Variants in SLIT1 observed in about 807,000 individuals in gnomAD.
SLIT1 encodes slit guidance ligand 1, also known as slit homolog 1 protein.
Under a neutral mutation model 186.1 loss-of-function variants are expected in SLIT1, and 66 were observed. The ratio of observed to expected loss-of-function variants is 0.35; its 90% CI spans 0.29 to 0.44. The LOEUF is 0.44. Ranked by LOEUF, SLIT1 falls within the 20% of genes least tolerant of loss-of-function variation. The pLI is 1.00. For missense variants in SLIT1, 1,638 were observed against 2,037.4 expected, an observed-to-expected ratio of 0.80 and a Z score of 3.77; for synonymous variants, 761 against 833.8, an observed-to-expected ratio of 0.91 and a Z score of 1.50.
In SLIT1 at chr10:97,004,836, GGCACTT is replaced by G; in HGVS notation, c.3580-19_3580-14del. 6.2e-7 allele frequency: 1 copy of G among 1,614,056 alleles called. No homozygotes were observed. Among genetic ancestry groups the G allele is most frequent in the Non-Finnish European group, 8.5e-7 (1 of 1,179,962 alleles). Reference sequence around the variant, plus strand: ...CTGCCGTGGAGACCTGATGGGCAGTGGCACTTTCTCTCCCACCCCACCCCATGCAGC... The same window carrying G: ...CTGCCGTGGAGACCTGATGGGCAGTGTCTCTCCCACCCCACCCCATGCAGC... On this transcript the variant is annotated splice_polypyrimidine_tract_variant and intron_variant, in intron 32 of 36. Coordinates refer to ENST00000266058, the MANE Select transcript of SLIT1 (RefSeq NM_003061.3). The surrounding 1 kb of genome is among the most constrained non-coding windows in gnomAD (Gnocchi z 5.1).
chr10:97,156,174 G>C (rs1008057853), intron 4 of SLIT1, among the ~76,000 whole-genome samples: 1 of 152,224 alleles, frequency 6.6e-6, no homozygotes, highest in Non-Finnish European at 1.5e-5. Context: ...CAGCAAAAGA[G>C]ATCATCACTA....
At chr10:97,125,553 A>AAT in intron 4 of SLIT1, among the ~76,000 whole-genome samples, 1 of 146,472 alleles carries the variant, frequency 6.8e-6, no homozygotes, top group Non-Finnish European at 1.5e-5. Context: ...AAAAAAAAAA[A>AAT]GTAGGCCGGG....
chr10:97,020,146 A>T (rs1209928891), intron 26 of SLIT1, among the ~76,000 whole-genome samples: 4 of 151,374 alleles, frequency 2.6e-5, no homozygotes, highest in Non-Finnish European at 4.4e-5. Flanking sequence ...AATTTTTAAA[A>T]TTTTTTTGTA....
chr10:97,071,672 G>C (rs1275743694), intron 4 of SLIT1, among the ~76,000 whole-genome samples: 1 of 152,162 alleles, frequency 6.6e-6, no homozygotes, highest in Admixed American at 6.5e-5. Flanking sequence ...GCTGAGCGGG[G>C]CTCTGAGCTT....
Position 97,002,237 on chromosome 10 carries a change from A to G in SLIT1, c.4287T>C (p.His1429=), listed in dbSNP as rs1407520540. 3 of 1,594,194 alleles carry G rather than the reference A, an allele frequency of 1.9e-6. No homozygotes were observed. The African/African-American group carries it at 4.0e-5, about 21-fold the overall frequency. The change falls in exon 36 of 37, where the codon CAT becomes CAC. Residue 1429 remains histidine, a synonymous_variant. Transcript: ENST00000266058. ...TGGTGCCTGAGGCCTGGCAGTGGCC[A>G]TGCAGGCACTGCAGGCCTCTGCAGG... ...AEPCRGLQCL[H]GHCQASGTKG...
At position 97,022,805 on chromosome 10, in the gene SLIT1, C is replaced by T. The variant is rs149995606; in HGVS notation, c.2583-1392G>A. 2.1e-3 allele frequency among the ~76,000 whole-genome samples: 327 copies of T among 152,356 alleles called. 3 individuals carry two copies. The highest frequency in any genetic ancestry group is 7.5e-3 in the African/African-American group (312 of 41,572). ...AGGGTCACCATGCTCAGGCGTGTAG[C>T]CTTCCAGGCCTTTCCCACACGTACA... is the stretch of plus-strand genomic sequence containing the variant. On this transcript the variant is annotated intron_variant, in intron 25 of 36. Coordinates refer to ENST00000266058, the MANE Select transcript of SLIT1 (RefSeq NM_003061.3). This position sits in a 1 kb window ranked among gnomAD's most constrained non-coding sequence, Gnocchi z 4.2.
Position 97,006,539 on chromosome 10 carries a change from T to G in SLIT1, c.3523A>C (p.Thr1175Pro). The change falls in exon 32 of 37, where the codon ACT becomes CCT. Residue 1175 changes from threonine (T) to proline (P), a missense_variant. By Grantham distance (38) the Thr-to-Pro change is conservative. Coordinates refer to ENST00000266058, the MANE Select transcript of SLIT1 (RefSeq NM_003061.3). The surrounding 1 kb of genome is among the most constrained non-coding windows in gnomAD (Gnocchi z 4.0). ...TGCAGGTCAGTGAACTGCAGGTAAG[T>G]GTCCCGATCCACAAAGTTGACACTG... ...LLSVNFVDRDTYLQFTDLQNW... is the reference protein window; with the variant it reads ...LLSVNFVDRDPYLQFTDLQNW... 1 of 1,614,204 alleles carries G rather than the reference T, an allele frequency of 6.2e-7. No homozygotes were observed. The highest frequency in any genetic ancestry group is 8.5e-7 in the Non-Finnish European group (1 of 1,180,028).
At chr10:97,120,717 G>A (rs7081718) in intron 4 of SLIT1, among the ~76,000 whole-genome samples, 1 of 151,988 alleles carries the variant, frequency 6.6e-6, no homozygotes, top group Non-Finnish European at 1.5e-5. Context: ...GAAGAGTTCA[G>A]CACAGTGCTT....
intron 25 of SLIT1, 141 bp downstream of exon 25, chr10:97,030,616 G>C: frequency 1.5e-6 from 1 of 682,530 alleles, no homozygotes; most frequent in Non-Finnish European, 2.7e-6. Flanking sequence ...AAGAGTCCCA[G>C]AAGGTGCACG....
At chr10:97,147,123 C>T (rs1001348332) in intron 4 of SLIT1, among the ~76,000 whole-genome samples, 10 of 152,114 alleles carry the variant, frequency 6.6e-5, no homozygotes, top group Non-Finnish European at 1.2e-4. Context: ...TTGATATGTG[C>T]CGCAACGTGG....
At chr10:97,106,345 G>C (rs2817693) in intron 4 of SLIT1, among the ~76,000 whole-genome samples, 83,340 of 152,060 alleles carry the variant, frequency 0.55, 24,589 homozygotes, top group East Asian at 0.77. Context: ...AATCAGAAAT[G>C]AGGCCTATGT....
chr10:97,016,278 C>T (rs1223250926), intron 28 of SLIT1, among the ~76,000 whole-genome samples: 1 of 151,422 alleles, frequency 6.6e-6, no homozygotes, highest in East Asian at 1.9e-4. Flanking sequence ...CACTGCACTC[C>T]AGCCTGGGTG....
rs369118472 is a variant in SLIT1 at position 97,059,447 on chromosome 10, C to T, written c.1085+13G>A. The T allele has an allele frequency of 6.2e-6, 10 of 1,611,596 alleles. No individual in the cohort carries two copies. The highest frequency in any genetic ancestry group is 2.7e-5 in the African/African-American group (2 of 74,876). On this transcript the variant is annotated intron_variant, in intron 11 of 36. Transcript: ENST00000266058. Reference sequence around the variant, plus strand: ...CCCTGGGCCACTGAGGAAGCCTTGGCACTGCTACTCACAGCGAGTTCAGGG... The same window carrying T: ...CCCTGGGCCACTGAGGAAGCCTTGGTACTGCTACTCACAGCGAGTTCAGGG...
At chr10:97,172,552 A>G (rs1028308340) in intron 1 of SLIT1, among the ~76,000 whole-genome samples, 3 of 152,232 alleles carry the variant, frequency 2.0e-5, no homozygotes, top group Non-Finnish European at 4.4e-5. Flanking sequence ...TTTAAATAGC[A>G]TTAGTTGAGT....
chr10:97,054,004 A>G (rs188915953), intron 13 of SLIT1, among the ~76,000 whole-genome samples: 1 of 152,150 alleles, frequency 6.6e-6, no homozygotes, highest in Non-Finnish European at 1.5e-5. Flanking sequence ...TCTATAAAGG[A>G]ATACCTGAGA....
At chr10:97,002,440 C>A in intron 35 of SLIT1, 71 bp from the exon 36 acceptor site, 1 of 1,206,640 alleles carries the variant, frequency 8.3e-7, no homozygotes, top group Non-Finnish European at 1.1e-6. Flanking sequence ...GCCCGCCCCA[C>A]CTGACACAGC....
rs1047885465 is a variant in SLIT1 at position 97,068,623 on chromosome 10, C to T, written c.414-2537G>A. ...GACACAGCTGTCCCTCCTCCAGAGC[C>T]GTCCCACCTGCTATCCCTGAGGCAT... On this transcript the variant is annotated intron_variant, in intron 4 of 36. Coordinates refer to ENST00000266058, the MANE Select transcript of SLIT1 (RefSeq NM_003061.3). The surrounding 1 kb of genome is among the most constrained non-coding windows in gnomAD (Gnocchi z 4.2). Among the ~76,000 whole-genome samples, 7 of 152,182 alleles carry T rather than the reference C, an allele frequency of 4.6e-5. No individual in the cohort carries two copies. Among genetic ancestry groups the T allele is most frequent in the African/African-American group, 9.7e-5 (4 of 41,450 alleles).
chr10:97,031,814 A>T (rs1848593872), intron 23 of SLIT1, 137 bp from the exon 24 acceptor site: 2 of 658,284 alleles, frequency 3.0e-6, no homozygotes, highest in Non-Finnish European at 5.3e-6. Context: ...AGCAGCCGGC[A>T]AGTGCATGGG....
rs576518069 is a variant in SLIT1, at chr10:97,006,924, G to A, written c.3342-204C>T. ...CAAGTATGGTCCCTGGTCCAGCAGC[G>A]TCAACATTACCTGGACACTTGATAG... On this transcript the variant is annotated intron_variant, in intron 31 of 36. Transcript: ENST00000266058. This position sits in a 1 kb window ranked among gnomAD's most constrained non-coding sequence, Gnocchi z 4.0. 7.1e-4 allele frequency among the ~76,000 whole-genome samples: 108 copies of A among 152,310 alleles called. No homozygotes were observed. The South Asian group carries it at 0.013, about 18-fold the overall frequency.
Sources: allele counts gnomAD v4.1 joint callset (sites outside exome capture counted in the v4.1 genomes callset), GRCh38; gene constraint gnomAD v4.1.1; non-coding constraint Gnocchi (gnomAD v3.1); transcripts MANE v1.5; gene names NCBI Gene and HGNC (gene_info 2026-07-23, HGNC 2026-07-21).